TRIM37: variants seen among roughly 807,000 people sequenced by gnomAD.
TRIM37 encodes the protein E3 ubiquitin-protein ligase TRIM37.
TRIM37 carries 80 observed loss-of-function variants against 129.8 expected under a neutral mutation model. That is an observed-to-expected ratio of 0.62 (90% confidence interval 0.51 to 0.74). The LOEUF (loss-of-function observed/expected upper bound fraction) is 0.74, where lower values mean the gene tolerates loss of function less well. Among genes scored for constraint, TRIM37 ranks in the 30% least tolerant of loss-of-function variants. The pLI is 0.00. For synonymous variants in TRIM37, 389 were observed against 387.1 expected (o/e 1.00, Z -0.06); for missense variants, 1,054 against 1,176.5 (o/e 0.90, Z 1.52).
At position 59,017,191 on chromosome 17, in the gene TRIM37, T is replaced by C. The variant is rs1038860368; in HGVS notation, c.2386+105A>G. 37 of 1,424,994 alleles carry C rather than the reference T, an allele frequency of 2.6e-5. No homozygotes were observed. In the African/African-American group the frequency reaches 3.1e-4, roughly 12 times the overall value. 88.3% of individuals were successfully genotyped at this position (1,424,994 alleles called of 1,614,324 possible). A position where few individuals can be genotyped will look rare whatever the true frequency, so the allele number is the denominator to read the frequency against. ...AAAAAGAAACTTTCAAATCCAACTT[T>C]AGCATTTTTGGTGCCCTTCAAGATC... On this transcript the variant is annotated intron_variant, in intron 20 of 23. Coordinates refer to ENST00000262294, the MANE Select transcript of TRIM37 (RefSeq NM_015294.6).
intron 2 of TRIM37, among the ~76,000 whole-genome samples, chr17:59,100,317 C>T (rs116294760): frequency 0.029 from 4,411 of 152,260 alleles, 176 homozygotes; most frequent in African/African-American, 0.09. Context: ...GCAATTTTCA[C>T]TGTAATAGCA....
chr17:58,993,520 G>A (rs562345391), downstream of TRIM37, among the ~76,000 whole-genome samples: 1 of 152,306 alleles, frequency 6.6e-6, no homozygotes, highest in South Asian at 2.1e-4. Flanking sequence ...TGCACTTTGC[G>A]AAGCGAGAGG....
At chr17:59,104,207 T>A in intron 2 of TRIM37, 86 bp downstream of exon 2, 1 of 1,361,148 alleles carries the variant, frequency 7.3e-7, no homozygotes. Flanking sequence ...GGGCAAAAAA[T>A]GTAAAATAAA....
intron 12 of TRIM37, among the ~76,000 whole-genome samples, 180 bp downstream of exon 12, chr17:59,060,850 CAA>C (rs1047300774): frequency 6.6e-6 from 1 of 152,148 alleles, no homozygotes; most frequent in African/African-American, 2.4e-5. Flanking sequence ...CAAAGCAATA[CAA>C]GTTTTCTTAA....
downstream of TRIM37, among the ~76,000 whole-genome samples, chr17:58,994,885 G>A (rs2032829734): frequency 6.6e-6 from 1 of 152,030 alleles, no homozygotes; most frequent in Non-Finnish European, 1.5e-5. Context: ...GAGTAGCTGG[G>A]ATTACAGGCA....
chr17:59,014,742 C>T lies in TRIM37; in HGVS notation c.2576+868G>A, dbSNP rs73317231. Among the ~76,000 whole-genome samples, 1,373 of 151,708 alleles carry T rather than the reference C, an allele frequency of 9.1e-3. 26 individuals carry two copies. Among genetic ancestry groups the T allele is most frequent in the African/African-American group, 0.031 (1,263 of 41,396 alleles). ...AAAAAAAAAAAAGGCTGACCGCCCCCCTACCGCCAACACATACAAATTTAC... is the reference window on the plus strand; with the variant it reads ...AAAAAAAAAAAAGGCTGACCGCCCCTCTACCGCCAACACATACAAATTTAC... On this transcript the variant is annotated intron_variant, in intron 21 of 23. Coordinates refer to ENST00000262294, the MANE Select transcript of TRIM37 (RefSeq NM_015294.6).
chr17:59,099,317 T>C (rs886430340), intron 2 of TRIM37, among the ~76,000 whole-genome samples: 7 of 152,150 alleles, frequency 4.6e-5, no homozygotes, highest in African/African-American at 7.2e-5. Context: ...CTGCCCTACA[T>C]AGGTGTACCA....
chr17:58,998,055 T>G (rs938517350), downstream of TRIM37: 2 of 270,748 alleles, frequency 7.4e-6, no homozygotes, highest in African/African-American at 4.6e-5. Context: ...AATTTTAGAA[T>G]GACTGGGATC....
chr17:58,983,079 A>G (rs919919439), intron 24 of TRIM37: 1 of 632,764 alleles, frequency 1.6e-6, no homozygotes, highest in African/African-American at 1.9e-5. Context: ...AAGTTACTAC[A>G]CATGCTAGGC....
intron 8 of TRIM37, among the ~76,000 whole-genome samples, chr17:59,074,908 T>C (rs536560338): frequency 1.2e-4 from 18 of 152,352 alleles, no homozygotes; most frequent in African/African-American, 4.3e-4. Context: ...CACTGCTGTA[T>C]CACCAATATC....
chr17:59,035,088 C>A (rs574246254), intron 17 of TRIM37, among the ~76,000 whole-genome samples: 93 of 152,032 alleles, frequency 6.1e-4, no homozygotes, highest in African/African-American at 2.2e-3. Context: ...GAGACAAAGT[C>A]TTGCTTTGTC....
intron 23 of TRIM37, among the ~76,000 whole-genome samples, chr17:59,000,254 T>C (rs923301698): frequency 6.6e-6 from 1 of 152,206 alleles, no homozygotes; most frequent in African/African-American, 2.4e-5. Context: ...AAATTTTAAA[T>C]AACATACAAA....
At chr17:58,993,648 C>T (rs2032675534), downstream of TRIM37, among the ~76,000 whole-genome samples, 1 of 152,058 alleles carries the variant, frequency 6.6e-6, no homozygotes, top group Non-Finnish European at 1.5e-5. Flanking sequence ...GGGTGGTTAC[C>T]TATAAAGGGC....
In TRIM37 at chr17:59,028,503, T is replaced by G. The variant is rs771713259; in HGVS notation, c.2169A>C (p.Ala723=). The G allele has an allele frequency of 1.2e-6, 2 of 1,614,220 alleles. No homozygotes were observed. The change falls in exon 19 of 24, where the codon GCA becomes GCC. Residue 723 remains alanine (A), a synonymous_variant. Coordinates refer to ENST00000262294, the MANE Select transcript of TRIM37 (RefSeq NM_015294.6). ...ATCTGCCAGAGTTTTCAGTTCCACA[T>G]GCAGCCAGAGCTGCCTGGTCAGCAG... is the stretch of plus-strand genomic sequence containing the variant. ...LFSADQAALA[A]CGTENSGRLQ...
intron 16 of TRIM37, among the ~76,000 whole-genome samples, chr17:59,045,210 T>C (rs921939331): frequency 1.3e-5 from 2 of 151,864 alleles, no homozygotes; most frequent in African/African-American, 4.8e-5. Flanking sequence ...GCACCTGTAG[T>C]CCCAGCTACT....
At chr17:59,091,655 T>C (rs2147315210) in intron 2 of TRIM37, among the ~76,000 whole-genome samples, 1 of 142,594 alleles carries the variant, frequency 7.0e-6, no homozygotes, top group Admixed American at 7.5e-5. Context: ...ATAATATTTA[T>C]ATATATAAAA....
chr17:59,041,525 CT>C (rs1272129052), intron 17 of TRIM37, among the ~76,000 whole-genome samples: 1 of 152,176 alleles, frequency 6.6e-6, no homozygotes, highest in Admixed American at 6.5e-5. Flanking sequence ...TGGCAAGTTG[CT>C]TTAATTTCTC....
downstream of TRIM37, among the ~76,000 whole-genome samples, chr17:58,996,506 T>C (rs1407996344): frequency 6.7e-6 from 1 of 148,874 alleles, no homozygotes; most frequent in Non-Finnish European, 1.5e-5. Context: ...CAGGCCAGCA[T>C]CGCACCTGCA....
intron 8 of TRIM37, among the ~76,000 whole-genome samples, 165 bp downstream of exon 8, chr17:59,075,482 T>C (rs1016532007): frequency 8.4e-5 from 12 of 142,574 alleles, no homozygotes; most frequent in African/African-American, 3.2e-4. Flanking sequence ...GAGAATGGTG[T>C]GAACCCAGGA....
Sources: allele counts gnomAD v4.1 joint callset (sites outside exome capture counted in the v4.1 genomes callset), GRCh38; gene constraint gnomAD v4.1.1; transcripts MANE v1.5; gene names NCBI Gene and HGNC (gene_info 2026-07-23, HGNC 2026-07-21).